The following SEC23A variants were observed in gnomAD, a reference collection of about 807,000 sequenced individuals.
SEC23A encodes the protein SEC23 homolog A, COPII component.
In SEC23A, 56 loss-of-function variants were observed where a neutral mutation model predicts 103.7. The ratio of observed to expected loss-of-function variants is 0.54; its 90% CI spans 0.44 to 0.67. The LOEUF (loss-of-function observed/expected upper bound fraction) is 0.67, where lower values mean the gene tolerates loss of function less well. SEC23A is among the 30% of genes least tolerant of loss of function. The probability of loss-of-function intolerance (pLI) is 0.00; values close to 1 mark genes in which losing one functional copy is unlikely to be tolerated. For synonymous variants in SEC23A, 281 were observed against 293.0 expected (o/e 0.96, Z 0.42); for missense variants, 784 against 936.4 (o/e 0.84, Z 2.12).
intron 2 of SEC23A, chr14:39,094,953 C>T (rs1279386559): frequency 1.4e-6 from 1 of 696,160 alleles, no homozygotes; most frequent in Non-Finnish European, 2.6e-6. Context: ...GAAGCTACTA[C>T]TGGAAGATGT....
intron 10 of SEC23A, among the ~76,000 whole-genome samples, chr14:39,066,549 C>T (rs1886675799): frequency 6.6e-5 from 10 of 151,326 alleles, no homozygotes; most frequent in Admixed American, 5.9e-4. Flanking sequence ...CTAGCACTAA[C>T]ATAAATAGAT....
intron 7 of SEC23A, among the ~76,000 whole-genome samples, chr14:39,080,270 G>A (rs573977573): frequency 7.3e-5 from 11 of 151,622 alleles, no homozygotes; most frequent in Admixed American, 1.3e-4. Context: ...CTAGAAGAAC[G>A]ACTACAGATT....
chr14:39,064,819 A>G (rs1464848797), intron 11 of SEC23A, 94 bp downstream of exon 11: 11 of 904,032 alleles, frequency 1.2e-5, no homozygotes, highest in Non-Finnish European at 1.7e-5. Flanking sequence ...GGCTTAAGCA[A>G]TCCTCCTGCC....
chr14:39,056,742 C>T (rs889165899), intron 13 of SEC23A, among the ~76,000 whole-genome samples: 5 of 152,146 alleles, frequency 3.3e-5, no homozygotes, highest in South Asian at 4.1e-4. Flanking sequence ...GGATTACAGG[C>T]GTGAGCACCA....
At chr14:39,065,359 C>G (rs948059059) in intron 10 of SEC23A, among the ~76,000 whole-genome samples, 2 of 152,052 alleles carry the variant, frequency 1.3e-5, no homozygotes, top group Admixed American at 6.6e-5. Flanking sequence ...GGTCTCCCCC[C>G]AGTCTCTCCT....
chr14:39,049,126 T>C (rs1885951163), intron 14 of SEC23A, among the ~76,000 whole-genome samples: 1 of 149,338 alleles, frequency 6.7e-6, no homozygotes, highest in African/African-American at 2.5e-5. Flanking sequence ...AGATTGTGCC[T>C]AGGAGTTTGA....
At position 39,045,220 on chromosome 14, in the gene SEC23A, C is replaced by T; in HGVS notation, c.1842G>A (p.Gln614=). ...RHHFMRQDLT[Q]SLIMIQPILY... ...GGATAGGCTGAATCATAATTAGAGACTGGGTCAGATCTTGACGCATAAAAT... is the reference window on the plus strand; with the variant it reads ...GGATAGGCTGAATCATAATTAGAGATTGGGTCAGATCTTGACGCATAAAAT... Residue 614 remains glutamine (Q), a synonymous_variant, in exon 16 of 20, where the codon CAG becomes CAA. Coordinates refer to ENST00000307712, the MANE Select transcript of SEC23A (RefSeq NM_006364.4). The T allele has an allele frequency of 2.5e-6, 4 of 1,613,596 alleles. No homozygotes were observed. In the South Asian group the frequency reaches 3.3e-5, roughly 13 times the overall value.
At chr14:39,056,353 G>C (rs888937522) in intron 13 of SEC23A, among the ~76,000 whole-genome samples, 4 of 152,144 alleles carry the variant, frequency 2.6e-5, no homozygotes, top group African/African-American at 9.7e-5. Flanking sequence ...GGCTAGTCTT[G>C]AACTCCTGAC....
At position 39,033,255 on chromosome 14, in the gene SEC23A, A is replaced by G. The variant is rs865977979; in HGVS notation, c.2282T>C (p.Val761Ala). The G allele has an allele frequency of 6.2e-7, 1 of 1,611,426 alleles. No individual in the cohort carries two copies. The highest frequency in any genetic ancestry group is 1.7e-5 in the Admixed American group (1 of 60,022). ...ATTAGCACTTCAAGCAGCACTGGAC[A>G]CAGCAAGTTTCTTCAAGTGATCCAT... ...VFMDHLKKLAVSSAA is the reference protein window; with the variant it reads ...VFMDHLKKLAASSAA The change falls in exon 20 of 20, where the codon GTG (valine) becomes GCG (alanine). Residue 761 changes from valine (V) to alanine (A), a missense_variant. Physicochemically the swap from Val to Ala is moderately conservative, Grantham distance 64 (BLOSUM62 0). Transcript: ENST00000307712.
intron 13 of SEC23A, among the ~76,000 whole-genome samples, chr14:39,060,749 G>A (rs1036870890): frequency 2.0e-5 from 3 of 152,170 alleles, no homozygotes; most frequent in African/African-American, 7.2e-5. Flanking sequence ...TAAATTTGTT[G>A]TCTCTGCAAA....
In SEC23A at chr14:39,089,679, G is replaced by A. The variant is rs116704258; in HGVS notation, c.603+1798C>T. Among the ~76,000 whole-genome samples the A allele has an allele frequency of 2.3e-3, 350 of 152,174 alleles. 1 individual carries two copies. Among genetic ancestry groups the A allele is most frequent in the African/African-American group, 7.9e-3 (328 of 41,516 alleles). On this transcript the variant is annotated intron_variant, in intron 5 of 19. Coordinates refer to ENST00000307712, the MANE Select transcript of SEC23A (RefSeq NM_006364.4). ...CTCTTAAAAGAACAAACTTCAGGCC[G>A]AGCACGGTGGCTCACTCCTGTAGTC...
rs544992636 is a variant in SEC23A at position 39,100,382 on chromosome 14, A to C, written c.-22+2650T>G. On this transcript the variant is annotated intron_variant, in intron 1 of 19. Transcript: ENST00000307712. ...TTAGTCCCATGTCCGACAATGGCAT[A>C]TCTGAAATAAAGTCCTTTTACAAGC... Among the ~76,000 whole-genome samples, 4 of 151,188 alleles carry C rather than the reference A, an allele frequency of 2.6e-5. No homozygotes were observed. The South Asian group carries it at 6.3e-4, about 24-fold the overall frequency.
In SEC23A at chr14:39,037,347, T is replaced by C. The variant is rs567904342; in HGVS notation, c.2208+1684A>G. Reference sequence around the variant, plus strand: ...CACTCTCCCATTTATTGACATATGTTTTCCTAGTCACTCAGGCTTAAAACC... The same window carrying C: ...CACTCTCCCATTTATTGACATATGTCTTCCTAGTCACTCAGGCTTAAAACC... On this transcript the variant is annotated intron_variant, in intron 19 of 19. Coordinates refer to ENST00000307712, the MANE Select transcript of SEC23A (RefSeq NM_006364.4). Among the ~76,000 whole-genome samples, 15 of 152,178 alleles carry C rather than the reference T, an allele frequency of 9.9e-5. No individual in the cohort carries two copies. The East Asian group carries it at 2.9e-3, about 29-fold the overall frequency.
chr14:39,053,525 TTTA>T (rs1300999531), intron 14 of SEC23A, among the ~76,000 whole-genome samples: 8 of 151,784 alleles, frequency 5.3e-5, no homozygotes, highest in Non-Finnish European at 1.0e-4. Flanking sequence ...GTTTTTTTTT[TTTA>T]AAAAAAAGGT....
chr14:39,062,223 C>T (rs967718525), intron 12 of SEC23A, among the ~76,000 whole-genome samples: 2 of 152,136 alleles, frequency 1.3e-5, no homozygotes, highest in African/African-American at 4.8e-5. Flanking sequence ...GATTGAATAT[C>T]CCTTATCCAA....
intron 19 of SEC23A, among the ~76,000 whole-genome samples, chr14:39,033,604 C>A (rs368143303): frequency 1.3e-5 from 2 of 152,258 alleles, no homozygotes; most frequent in Non-Finnish European, 1.5e-5. Flanking sequence ...CTAGTCACCA[C>A]GAAGACTAAC....
intron 13 of SEC23A, among the ~76,000 whole-genome samples, chr14:39,059,337 TG>T (rs1026588298): frequency 7.7e-6 from 1 of 130,646 alleles, no homozygotes; most frequent in Non-Finnish European, 1.6e-5. Context: ...TCATTGGAAA[TG>T]GTTGGGATAA....
Position 39,074,373 on chromosome 14 carries a change from T to C in SEC23A, c.1103+42A>G, listed in dbSNP as rs767915231. On this transcript the variant is annotated intron_variant, in intron 9 of 19. Coordinates refer to ENST00000307712, the MANE Select transcript of SEC23A (RefSeq NM_006364.4). The stretch of plus-strand genomic sequence containing the variant: ...TGGTTTATATCAGTAAATGTCATCA[T>C]TTGCTTATAATTACAAAAACTGTAA... 5 of 1,259,188 alleles carry C rather than the reference T, an allele frequency of 4.0e-6. No homozygotes were observed. The South Asian group carries it at 6.0e-5, about 15-fold the overall frequency. The allele number at this position is 1,259,188 out of a possible 1,614,324, so 78.0% of individuals were successfully genotyped here.
intron 7 of SEC23A, among the ~76,000 whole-genome samples, chr14:39,076,820 G>A (rs541711446): frequency 1.3e-5 from 2 of 151,794 alleles, no homozygotes; most frequent in East Asian, 1.9e-4. Flanking sequence ...CCACCTACTC[G>A]GGAGGCTGAG....
Sources: gnomAD v4.1 joint callset for allele counts (sites outside exome capture counted in the v4.1 genomes callset) on GRCh38, gnomAD v4.1.1 for gene constraint, MANE v1.5 for transcripts, NCBI Gene and HGNC (gene_info 2026-07-23, HGNC 2026-07-21) for gene names.